SLC35D4: variants seen among roughly 807,000 people sequenced by gnomAD.
The protein encoded by SLC35D4 is UDP-N-acetylglucosamine transporter SLC35D4.
chr18:23,380,296 T>A, the SLC35D4 span, among the ~76,000 whole-genome samples: 1 of 152,118 alleles, frequency 6.6e-6, no homozygotes, highest in Non-Finnish European at 1.5e-5. Context: ...CTTGAGGCAC[T>A]GAGGAATGAG....
At chr18:23,274,752 G>T in the SLC35D4 span, among the ~76,000 whole-genome samples, 4 of 152,180 alleles carry the variant, frequency 2.6e-5, no homozygotes, top group Non-Finnish European at 4.4e-5. Flanking sequence ...CCATGTGAGG[G>T]GGAAAGCCCC....
chr18:23,258,477 C>CT, the SLC35D4 span: 1 of 152,268 alleles, frequency 6.6e-6, no homozygotes, highest in East Asian at 1.9e-4. Context: ...GTGCCCAGGG[C>CT]TGTTCATGCA....
chr18:23,380,024 G>T, the SLC35D4 span, among the ~76,000 whole-genome samples: 1 of 152,130 alleles, frequency 6.6e-6, no homozygotes, highest in African/African-American at 2.4e-5. Flanking sequence ...TTAGAACCGG[G>T]AGGCGGAGAT....
chr18:23,276,964 C>CTCCTCTCT, the SLC35D4 span, among the ~76,000 whole-genome samples: 1 of 152,228 alleles, frequency 6.6e-6, no homozygotes, highest in African/African-American at 2.4e-5. Context: ...CTCTACCTGT[C>CTCCTCTCT]ATCTAGTGCC....
the SLC35D4 span, among the ~76,000 whole-genome samples, chr18:23,391,292 C>A: frequency 6.6e-6 from 1 of 151,720 alleles, no homozygotes; most frequent in Non-Finnish European, 1.5e-5. Flanking sequence ...TGTCTAAGGC[C>A]CTGAACGGAG....
At chr18:23,371,525 A>G in the SLC35D4 span, 1 of 1,432,970 alleles carries the variant, frequency 7.0e-7, no homozygotes, top group Non-Finnish European at 9.5e-7. Flanking sequence ...GGCAAATGGA[A>G]TCCAGTGTGG....
At chr18:23,363,825 C>T in the SLC35D4 span, among the ~76,000 whole-genome samples, 20 of 152,220 alleles carry the variant, frequency 1.3e-4, no homozygotes, top group Middle Eastern at 3.4e-3. Context: ...TTTAGGGTTA[C>T]CAGTATGGCT....
At chr18:23,358,052 A>G in the SLC35D4 span, among the ~76,000 whole-genome samples, 1 of 152,198 alleles carries the variant, frequency 6.6e-6, no homozygotes, top group Admixed American at 6.5e-5. Flanking sequence ...AGTGATAGGC[A>G]AGGGTGCCCT....
chr18:23,365,458 C>G, the SLC35D4 span, among the ~76,000 whole-genome samples: 2 of 152,148 alleles, frequency 1.3e-5, no homozygotes, highest in Non-Finnish European at 2.9e-5. Context: ...GAATAAATTC[C>G]TGGATGATAA....
chr18:23,309,968 T>C, the SLC35D4 span, among the ~76,000 whole-genome samples: 3 of 152,226 alleles, frequency 2.0e-5, no homozygotes, highest in Non-Finnish European at 4.4e-5. Context: ...AGTCTTAGTC[T>C]GTTTTGGAGG....
the SLC35D4 span, among the ~76,000 whole-genome samples, chr18:23,348,182 T>C: frequency 6.6e-6 from 1 of 152,260 alleles, no homozygotes; most frequent in African/African-American, 2.4e-5. Context: ...TTAATTCTGC[T>C]ATGGTCAGAG....
the SLC35D4 span, among the ~76,000 whole-genome samples, chr18:23,326,191 C>T: frequency 1.3e-5 from 2 of 152,178 alleles, no homozygotes; most frequent in Admixed American, 1.3e-4. Flanking sequence ...GGATCAAATT[C>T]ACACATAACA....
the SLC35D4 span, among the ~76,000 whole-genome samples, chr18:23,378,649 T>C: frequency 7.2e-5 from 11 of 152,212 alleles, no homozygotes; most frequent in Non-Finnish European, 1.6e-4. Context: ...GAGAGTAACA[T>C]GTTAGCAGAG....
the SLC35D4 span, among the ~76,000 whole-genome samples, chr18:23,372,809 G>C: frequency 6.6e-6 from 1 of 152,248 alleles, no homozygotes; most frequent in East Asian, 1.9e-4. Flanking sequence ...CTTGACTTCT[G>C]CCTGAGCAAA....
the SLC35D4 span, among the ~76,000 whole-genome samples, chr18:23,255,677 C>T: frequency 3.3e-5 from 5 of 151,844 alleles, no homozygotes; most frequent in Admixed American, 1.3e-4. Context: ...CTCCCATCTC[C>T]GCCTCCCAAG....
chr18:23,437,936 GGCAGCGGCA>G, the SLC35D4 span: 3 of 1,445,174 alleles, frequency 2.1e-6, no homozygotes, highest in African/African-American at 4.3e-5. Flanking sequence ...CAGCAGCAGC[GGCAGCGGCA>G]GCAGCCGCCC....
chr18:23,254,063 G>T, the SLC35D4 span: 1 of 741,704 alleles, frequency 1.3e-6, no homozygotes, highest in East Asian at 2.7e-5. Flanking sequence ...TGAGGTGAAG[G>T]CTATGAAGTC....
the SLC35D4 span, among the ~76,000 whole-genome samples, chr18:23,386,926 T>C: frequency 3.9e-5 from 6 of 152,288 alleles, no homozygotes; most frequent in African/African-American, 1.4e-4. Context: ...TTTTTGTTTT[T>C]TGAGACAGAG....
the SLC35D4 span, among the ~76,000 whole-genome samples, chr18:23,345,622 C>A: frequency 2.0e-5 from 3 of 149,544 alleles, no homozygotes; most frequent in Admixed American, 6.7e-5. Context: ...ACTAAATTTT[C>A]AAATCACATA....
Sources: gnomAD v4.1 joint callset for allele counts (sites outside exome capture counted in the v4.1 genomes callset) on GRCh38, gnomAD v4.1.1 for gene constraint, MANE v1.5 for transcripts, NCBI Gene and HGNC (gene_info 2026-07-23, HGNC 2026-07-21) for gene names.